NOP53: variants seen among roughly 807,000 people sequenced by gnomAD.
The protein encoded by NOP53 is ribosome biogenesis protein NOP53.
A neutral mutation model predicts 61.0 loss-of-function variants in NOP53; 40 were observed. The ratio of observed to expected loss-of-function variants is 0.66; its 90% CI spans 0.51 to 0.85. The LOEUF (loss-of-function observed/expected upper bound fraction) is 0.85. Ranked by LOEUF, NOP53 falls within the 40% of genes least tolerant of loss-of-function variation. The pLI is 0.00. For missense variants in NOP53, 689 were observed against 652.9 expected (o/e 1.06, Z -0.60); for synonymous variants, 308 against 289.5 (o/e 1.06, Z -0.65).
intron 10 of NOP53, chr19:47,756,069 C>T (rs1967194047): frequency 5.2e-6 from 3 of 571,538 alleles, no homozygotes; most frequent in East Asian, 2.9e-5. Context: ...GTCCCGGTCA[C>T]CTTTAGGACT....
At chr19:47,746,514 C>A (rs1239144419) in intron 1 of NOP53, 1 of 155,240 alleles carries the variant, frequency 6.4e-6, no homozygotes, top group Non-Finnish European at 1.4e-5. Context: ...CAGGCATGCA[C>A]CACCACGTCC....
At chr19:47,755,900 T>C in intron 10 of NOP53, 78 bp downstream of exon 10, 4 of 1,223,372 alleles carry the variant, frequency 3.3e-6, no homozygotes, top group Non-Finnish European at 4.8e-6. Context: ...CCAGGGGCTA[T>C]GGGCGACACC....
At chr19:47,748,810 C>T (rs1414822485) in intron 2 of NOP53, among the ~76,000 whole-genome samples, 1 of 152,148 alleles carries the variant, frequency 6.6e-6, no homozygotes, top group Non-Finnish European at 1.5e-5. Flanking sequence ...ACCCGGGAGG[C>T]AGAGGTTGCA....
chr19:47,752,160 G>A (rs1467534331), intron 5 of NOP53, among the ~76,000 whole-genome samples: 1 of 152,074 alleles, frequency 6.6e-6, no homozygotes, highest in Non-Finnish European at 1.5e-5. Context: ...ATCATGGGTC[G>A]GTGGGGAGAA....
At chr19:47,751,434 T>G in intron 4 of NOP53, 86 bp from the exon 5 acceptor site, 1 of 1,055,952 alleles carries the variant, frequency 9.5e-7, no homozygotes, top group Non-Finnish European at 1.5e-6. Flanking sequence ...GGTCACCTTT[T>G]TGAAATGTGG....
intron 5 of NOP53, among the ~76,000 whole-genome samples, 158 bp from the exon 6 acceptor site, chr19:47,752,353 TC>T (rs1424379946): frequency 5.3e-5 from 8 of 152,228 alleles, no homozygotes; most frequent in African/African-American, 1.9e-4. Context: ...CTATCCTTTT[TC>T]TGAGATGGAG....
rs750831883 is a variant in NOP53 at position 47,747,779 on chromosome 19, CTTTTTTTTTTTTTTT to C, written c.289+759_289+773del. 4.2e-4 allele frequency among the ~76,000 whole-genome samples: 24 copies of C among 56,892 alleles called. No individual in the cohort carries two copies. The East Asian group carries it at 0.011, about 27-fold the overall frequency. 37.3% of individuals were successfully genotyped at this position (56,892 alleles called of 152,430 possible). On this transcript the variant is annotated intron_variant, in intron 2 of 12. Transcript: ENST00000246802. ...CTAATTTCTTTTCTTTTCTCTCTCTCTTTTTTTTTTTTTTTTTTTTTTTTTGAGATGGAGTTTCAA... is the reference window on the plus strand; with the variant it reads ...CTAATTTCTTTTCTTTTCTCTCTCTCTTTTTTTTTTGAGATGGAGTTTCAA...
intron 8 of NOP53, 66 bp from the exon 9 acceptor site, chr19:47,755,282 G>C: frequency 8.8e-7 from 1 of 1,129,980 alleles, no homozygotes; most frequent in Non-Finnish European, 1.2e-6. Context: ...GGCTCCCTGT[G>C]TAGAGAGAAG....
intron 5 of NOP53, among the ~76,000 whole-genome samples, chr19:47,752,247 T>C (rs1967133161): frequency 1.3e-5 from 2 of 152,202 alleles, no homozygotes; most frequent in South Asian, 4.1e-4. Context: ...AGTTTGGATT[T>C]GCAGCCTCCT....
Position 47,754,439 on chromosome 19 carries a change from C to T in NOP53, c.766-88C>T, listed in dbSNP as rs1342724454. ...TGGGCCGGGGCGGGATCCACGGGCA[C>T]TGGATGAGGGACAGATGGGAGGTAA... is the stretch of plus-strand genomic sequence containing the variant. On this transcript the variant is annotated intron_variant, in intron 6 of 12. Transcript: ENST00000246802. The surrounding 1 kb of genome is among the most constrained non-coding windows in gnomAD (Gnocchi z 4.2). 1.5e-5 allele frequency: 16 copies of T among 1,049,138 alleles called. No individual in the cohort carries two copies. The East Asian group carries it at 3.2e-4, about 21-fold the overall frequency. The allele number at this position is 1,049,138 out of a possible 1,614,324, so 65.0% of individuals were successfully genotyped here. A position where few individuals can be genotyped will look rare whatever the true frequency, so the allele number is the denominator to read the frequency against.
chr19:47,756,436 C>A, intron 10 of NOP53, 92 bp from the exon 11 acceptor site: 3 of 989,500 alleles, frequency 3.0e-6, no homozygotes, highest in Non-Finnish European at 4.6e-6. Flanking sequence ...GGGGAGACTG[C>A]ATGGGGCTGA....
chr19:47,754,262 A>G lies in NOP53; in HGVS notation c.766-265A>G. On this transcript the variant is annotated intron_variant, in intron 6 of 12. Transcript: ENST00000246802. The surrounding 1 kb of genome is among the most constrained non-coding windows in gnomAD (Gnocchi z 4.2). ...ATTGCACTCCAGTCTGGGCAACAAG[A>G]CAGAAACTCTATCTCAAAAAAAAAA... The G allele has an allele frequency of 2.2e-6, 1 of 460,704 alleles. No individual in the cohort carries two copies. The highest frequency in any genetic ancestry group is 3.9e-6 in the Non-Finnish European group (1 of 255,098). 28.5% of individuals were successfully genotyped at this position (460,704 alleles called of 1,614,324 possible).
chr19:47,752,348 CT>C (rs910582438), intron 5 of NOP53, among the ~76,000 whole-genome samples, 163 bp from the exon 6 acceptor site: 1 of 152,128 alleles, frequency 6.6e-6, no homozygotes, highest in African/African-American at 2.4e-5. Context: ...GGCTGCTATC[CT>C]TTTTCTGAGA....
chr19:47,751,430 C>T (rs1967123341), intron 4 of NOP53, 90 bp from the exon 5 acceptor site: 1 of 1,027,022 alleles, frequency 9.7e-7, no homozygotes. Context: ...TCAGGGTCAC[C>T]TTTTTGAAAT....
At chr19:47,755,576 A>C in intron 9 of NOP53, 53 bp downstream of exon 9, 1 of 1,437,376 alleles carries the variant, frequency 7.0e-7, no homozygotes, top group Non-Finnish European at 9.2e-7. Context: ...GCCGGGTCCC[A>C]GGTCCTGACA....
At position 47,755,890 on chromosome 19, in the gene NOP53, C is replaced by T. The variant is rs559576515; in HGVS notation, c.1296+68C>T. ...ACACCATCCTTGCTCCCCGTGCCCC[C>T]CAGGGGCTATGGGCGACACCATGGC... On this transcript the variant is annotated intron_variant, in intron 10 of 12. Coordinates refer to ENST00000246802, the MANE Select transcript of NOP53 (RefSeq NM_015710.5). 271 of 1,365,690 alleles carry T rather than the reference C, an allele frequency of 2.0e-4. 1 individual carries two copies. The South Asian group carries it at 2.7e-3, about 14-fold the overall frequency. The allele number at this position is 1,365,690 out of a possible 1,614,324, so 84.6% of individuals were successfully genotyped here.
chr19:47,752,832 G>A (rs1037603423), intron 6 of NOP53: 37 of 528,404 alleles, frequency 7.0e-5, no homozygotes, highest in Admixed American at 1.6e-4. Flanking sequence ...TGGGGGGTCA[G>A]GAAGGGCTCC....
Position 47,750,894 on chromosome 19 carries a change from C to A in NOP53, c.399-14C>A, listed in dbSNP as rs777489286. ...ACCTCACCTGCTGCACTTGTGCCCCCTCTCCCCGACCAGCGTCCTCGCCCA... is the reference window on the plus strand; with the variant it reads ...ACCTCACCTGCTGCACTTGTGCCCCATCTCCCCGACCAGCGTCCTCGCCCA... On this transcript the variant is annotated splice_polypyrimidine_tract_variant and intron_variant, in intron 3 of 12. Coordinates refer to ENST00000246802, the MANE Select transcript of NOP53 (RefSeq NM_015710.5). 3 of 1,570,306 alleles carry A rather than the reference C, an allele frequency of 1.9e-6. No homozygotes were observed. Among genetic ancestry groups the A allele is most frequent in the African/African-American group, 1.3e-5 (1 of 74,312 alleles).
intron 3 of NOP53, among the ~76,000 whole-genome samples, chr19:47,750,688 C>A (rs143383842): frequency 6.6e-6 from 1 of 151,976 alleles, no homozygotes; most frequent in Non-Finnish European, 1.5e-5. Flanking sequence ...ATGTCCAGGA[C>A]GGGGCTGTTG....
Sources: gnomAD v4.1 joint callset for allele counts (sites outside exome capture counted in the v4.1 genomes callset) on GRCh38, gnomAD v4.1.1 for gene constraint, Gnocchi (gnomAD v3.1) non-coding constraint, MANE v1.5 for transcripts, NCBI Gene and HGNC (gene_info 2026-07-23, HGNC 2026-07-21) for gene names.